Variants in RPL35A observed in about 807,000 individuals in gnomAD.
RPL35A encodes the protein ribosomal protein L35a.
A neutral mutation model predicts 16.7 loss-of-function variants in RPL35A; 1 was observed. That is an observed-to-expected ratio of 0.06 (90% CI 0.02 to 0.28). The LOEUF is 0.28. Among genes scored for constraint, RPL35A ranks in the 10% least tolerant of loss-of-function variants. The probability of loss-of-function intolerance (pLI) is 1.00; values close to 1 mark genes in which losing one functional copy is unlikely to be tolerated. For synonymous variants in RPL35A, 58 were observed against 47.0 expected, an observed-to-expected ratio of 1.23 and a Z score of -0.96; for missense variants, 91 against 138.7, an observed-to-expected ratio of 0.66 and a Z score of 1.73.
chr3:197,952,431 G>A (rs1028570586), intron 3 of RPL35A: 1 of 152,136 alleles, frequency 6.6e-6, no homozygotes, highest in East Asian at 1.9e-4. Context: ...GCCTCCCAAA[G>A]TGCTGGGATT....
intron 3 of RPL35A, 78 bp downstream of exon 3, chr3:197,951,389 T>C: frequency 6.7e-7 from 1 of 1,487,210 alleles, no homozygotes; most frequent in Non-Finnish European, 9.4e-7. Context: ...AGTCTTGCTC[T>C]GTTGCCGAGG....
At chr3:197,950,864 CTTAAACGAGA>C in intron 1 of RPL35A, 62 bp from the exon 2 acceptor site, 1 of 1,439,660 alleles carries the variant, frequency 6.9e-7, no homozygotes, top group South Asian at 1.2e-5. Flanking sequence ...GCTTTAGGGG[CTTAAACGAGA>C]GGGGACGAGG....
chr3:197,951,020 C>T, intron 2 of RPL35A, 42 bp downstream of exon 2: 2 of 1,606,390 alleles, frequency 1.2e-6, no homozygotes, highest in Admixed American at 1.7e-5. Flanking sequence ...GTGTGTTAGA[C>T]GTGAACGTAA....
chr3:197,955,753 C>T lies in RPL35A; in HGVS notation c.313C>T (p.Leu105=), dbSNP rs763046323. Residue 105 remains leucine, a synonymous_variant, in exon 5 of 5, where the codon CTG becomes TTG. Transcript: ENST00000647248. ...KAIGHRIRVM[L]YPSRI Reference sequence around the variant, plus strand: ...TTGTGTTCTTTTTTCCCTGCAGATGCTGTACCCCTCAAGGATTTAAACTAA... The same window carrying T: ...TTGTGTTCTTTTTTCCCTGCAGATGTTGTACCCCTCAAGGATTTAAACTAA... The T allele has an allele frequency of 3.1e-6, 5 of 1,605,130 alleles. No individual in the cohort carries two copies. The highest frequency in any genetic ancestry group is 2.2e-5 in the South Asian group (2 of 90,836).
Position 197,950,933 on chromosome 3 carries a change from A to G in RPL35A, c.-32-3A>G, listed in dbSNP as rs200335648. The G allele has an allele frequency of 3.5e-4, 563 of 1,613,932 alleles. 5 individuals are homozygous for G. In the East Asian group the frequency reaches 0.012, roughly 35 times the overall value. ...TTAAACTAATCTTTTTGTTTGTTTT[A>G]AGGCCTGCTGGGAACGGGACTTCTA... On this transcript the variant is annotated splice_region_variant and splice_polypyrimidine_tract_variant and intron_variant, in intron 1 of 4. Transcript: ENST00000647248.
intron 3 of RPL35A, chr3:197,951,534 G>A (rs890114775): frequency 3.8e-6 from 2 of 519,870 alleles, no homozygotes; most frequent in Non-Finnish European, 6.9e-6. Flanking sequence ...TGTATTATTA[G>A]TAGAGACAGG....
At chr3:197,955,666 A>C in intron 4 of RPL35A, 84 bp from the exon 5 acceptor site, 3 of 1,189,906 alleles carry the variant, frequency 2.5e-6, no homozygotes, top group Non-Finnish European at 3.8e-6. Flanking sequence ...GTAGCCTTTC[A>C]GAGATTTATC....
At chr3:197,953,911 C>T in intron 3 of RPL35A, 92 bp from the exon 4 acceptor site, 2 of 1,318,172 alleles carry the variant, frequency 1.5e-6, no homozygotes, top group Non-Finnish European at 2.2e-6. Context: ...AAGTGGGTAA[C>T]CAGGGTTGAG....
At chr3:197,952,289 C>T (rs1480310962) in intron 3 of RPL35A, among the ~76,000 whole-genome samples, 2 of 149,154 alleles carry the variant, frequency 1.3e-5, no homozygotes, top group Non-Finnish European at 1.5e-5. Context: ...CCTGCCTTAG[C>T]CTCCTGAGTA....
intron 3 of RPL35A, 27 bp from the exon 4 acceptor site, chr3:197,953,976 T>A: frequency 6.2e-7 from 1 of 1,611,752 alleles, no homozygotes; most frequent in Non-Finnish European, 8.5e-7. Flanking sequence ...CAGCTTGTAT[T>A]CCTCTTCTTT....
chr3:197,955,839 T>G lies in RPL35A; in HGVS notation c.*66T>G, dbSNP rs1720485736. 2 of 1,297,074 alleles carry G rather than the reference T, an allele frequency of 1.5e-6. No homozygotes were observed. The highest frequency in any genetic ancestry group is 2.9e-5 in the African/African-American group (2 of 68,656). The allele number at this position is 1,297,074 out of a possible 1,614,324, so 80.3% of individuals were successfully genotyped here. On this transcript the variant is annotated 3_prime_UTR_variant, in exon 5 of 5. Coordinates refer to ENST00000647248, the MANE Select transcript of RPL35A (RefSeq NM_000996.4). Reference sequence around the variant, plus strand: ...TGTATTTTTAAGTGGATTAAAAAACTTACTACCTTAAATTGATTTGCTACA... The same window carrying G: ...TGTATTTTTAAGTGGATTAAAAAACGTACTACCTTAAATTGATTTGCTACA...
intron 2 of RPL35A, 75 bp from the exon 3 acceptor site, chr3:197,951,084 T>C (rs1239711862): frequency 1.3e-5 from 21 of 1,607,096 alleles, no homozygotes; most frequent in Non-Finnish European, 1.7e-5. Flanking sequence ...TGAGTAACTT[T>C]TGGGTGGGGG....
In RPL35A at chr3:197,951,330, T is replaced by A; in HGVS notation, c.164+19T>A. 2 of 1,613,516 alleles carry A rather than the reference T, an allele frequency of 1.2e-6. No homozygotes were observed. Among genetic ancestry groups the A allele is most frequent in the Non-Finnish European group, 1.7e-6 (2 of 1,179,486 alleles). On this transcript the variant is annotated intron_variant, in intron 3 of 4. Coordinates refer to ENST00000647248, the MANE Select transcript of RPL35A (RefSeq NM_000996.4). ...CAAAGAAGTAAGTTTATGACACTGG[T>A]AGGTTTTGGGTTTTTGAGATCTGCC...
At chr3:197,951,040 T>C in intron 2 of RPL35A, 62 bp downstream of exon 2, 1 of 1,597,350 alleles carries the variant, frequency 6.3e-7, no homozygotes, top group Non-Finnish European at 8.6e-7. Context: ...AATGCGAGCT[T>C]AAAATTGGCA....
chr3:197,950,267 G>A, intron 1 of RPL35A, 46 bp downstream of exon 1: 1 of 1,230,438 alleles, frequency 8.1e-7, no homozygotes, highest in Non-Finnish European at 1.0e-6. Context: ...AATAACCGGA[G>A]TAGGTTTGTT....
intron 3 of RPL35A, chr3:197,952,574 AAT>A (rs1491263010): frequency 6.6e-6 from 1 of 151,804 alleles, no homozygotes; most frequent in Non-Finnish European, 1.5e-5. Flanking sequence ...AGCTCACTGT[AAT>A]CTCTGCTTCC....
In RPL35A at chr3:197,955,787, C is replaced by T. The variant is rs10022; in HGVS notation, c.*14C>T. 6.3e-7 allele frequency: 1 copy of T among 1,594,300 alleles called. No homozygotes were observed. ...TCAAGGATTTAAACTAACGAAAAAT[C>T]AATAAATAAATGTGGATTTGTGCTC... On this transcript the variant is annotated 3_prime_UTR_variant, in exon 5 of 5. Transcript: ENST00000647248.
intron 3 of RPL35A, among the ~76,000 whole-genome samples, chr3:197,952,187 TTG>T (rs1491479715): frequency 6.5e-5 from 9 of 137,752 alleles, no homozygotes; most frequent in East Asian, 2.0e-4. Context: ...TTTTTTTTTT[TTG>T]GAGACGGAGT....
Position 197,950,985 on chromosome 3 carries a change from G to A in RPL35A, c.11+7G>A, listed in dbSNP as rs750528117. 2 of 1,613,412 alleles carry A rather than the reference G, an allele frequency of 1.2e-6. No individual in the cohort carries two copies. The highest frequency in any genetic ancestry group is 1.3e-5 in the African/African-American group (1 of 75,046). On this transcript the variant is annotated splice_region_variant and intron_variant, in intron 2 of 4. Transcript: ENST00000647248. The stretch of plus-strand genomic sequence containing the variant: ...AAGGAACTATGTCTGGAAGGTACGC[G>A]TTTTAAATATAGTTCTTTATTTTTG...
Sources: gnomAD v4.1 joint callset for allele counts (sites outside exome capture counted in the v4.1 genomes callset) on GRCh38, gnomAD v4.1.1 for gene constraint, MANE v1.5 for transcripts, NCBI Gene and HGNC (gene_info 2026-07-23, HGNC 2026-07-21) for gene names.